Variants in ICE2 observed in about 807,000 individuals in gnomAD.
ICE2 encodes little elongation complex subunit 2.
ICE2 carries 87 observed loss-of-function variants against 105.4 expected under a neutral mutation model. The ratio of observed to expected loss-of-function variants is 0.83; its 90% CI spans 0.69 to 0.99. The LOEUF (loss-of-function observed/expected upper bound fraction) is 0.99. Among genes scored for constraint, ICE2 ranks in the 50% least tolerant of loss-of-function variants. ICE2 has a pLI of 0.00. For missense variants in ICE2, 1,323 were observed against 1,146.7 expected, an observed-to-expected ratio of 1.15 and a Z score of -2.22; for synonymous variants, 399 against 392.0, an observed-to-expected ratio of 1.02 and a Z score of -0.21.
intron 14 of ICE2, among the ~76,000 whole-genome samples, chr15:60,429,073 A>G (rs889092705): frequency 6.6e-6 from 1 of 152,180 alleles, no homozygotes; most frequent in African/African-American, 2.4e-5. Context: ...TTTGTACCTA[A>G]TAATAGATAG....
chr15:60,464,914 G>C (rs1413838607), intron 5 of ICE2, among the ~76,000 whole-genome samples: 5 of 152,118 alleles, frequency 3.3e-5, no homozygotes, highest in Non-Finnish European at 2.9e-5. Context: ...GAGCTGGGGA[G>C]GATCACTTGA....
chr15:60,424,485 C>T (rs2063297526), intron 15 of ICE2, among the ~76,000 whole-genome samples: 2 of 143,814 alleles, frequency 1.4e-5, no homozygotes, highest in South Asian at 4.5e-4. Flanking sequence ...CACTTTCTAG[C>T]TCACACAGTC....
At chr15:60,471,784 A>G (rs1013832920) in intron 3 of ICE2, among the ~76,000 whole-genome samples, 3 of 149,782 alleles carry the variant, frequency 2.0e-5, no homozygotes, top group Admixed American at 6.7e-5. Flanking sequence ...GTTTCTATGG[A>G]AAAACAAAAA....
intron 15 of ICE2, 75 bp downstream of exon 15, chr15:60,428,354 G>A (rs2063381600): frequency 6.2e-6 from 9 of 1,442,548 alleles, no homozygotes; most frequent in Non-Finnish European, 8.5e-6. Context: ...ACATCAGGGT[G>A]AAATACGGTA....
intron 13 of ICE2, 54 bp from the exon 14 acceptor site, chr15:60,432,038 G>A (rs892018441): frequency 1.1e-6 from 1 of 910,578 alleles, no homozygotes. Flanking sequence ...CTTACTTTTA[G>A]CAATTATAGC....
rs925503024 is a variant in ICE2, at chr15:60,461,395, T to A, written c.529-4601A>T. ...TTAAAAAATCAGCAAAATACTTCAA[T>A]AGACATTTCACAAAAGAAATGCACT... On this transcript the variant is annotated intron_variant, in intron 5 of 15. Transcript: ENST00000261520. Among the ~76,000 whole-genome samples, 8 of 152,286 alleles carry A rather than the reference T, an allele frequency of 5.3e-5. No homozygotes were observed. The East Asian group carries it at 1.5e-3, about 29-fold the overall frequency.
rs2063248810 is a variant in ICE2, at chr15:60,422,247, C to T, written c.*1387G>A. 1 of 151,778 alleles carries T rather than the reference C, an allele frequency of 6.6e-6. No individual in the cohort carries two copies. The highest frequency in any genetic ancestry group is 2.1e-4 in the South Asian group (1 of 4,784). The allele number at this position is 151,778 out of a possible 1,614,324, so 9.4% of individuals were successfully genotyped here. A position where few individuals can be genotyped will look rare whatever the true frequency, so the allele number is the denominator to read the frequency against. On this transcript the variant is annotated 3_prime_UTR_variant, in exon 16 of 16. Transcript: ENST00000261520. The stretch of plus-strand genomic sequence containing the variant: ...TCTTGGGCTCAAGCAATTCTTCTGC[C>T]TCAGCCTTTTGAGTAGCTGGGACTA...
intron 11 of ICE2, chr15:60,445,666 T>C (rs1046023567): frequency 1.0e-6 from 1 of 985,126 alleles, no homozygotes; most frequent in Non-Finnish European, 1.2e-6. Flanking sequence ...AATTTCACCT[T>C]AGTCAAGTGA....
At position 60,422,662 on chromosome 15, in the gene ICE2, C is replaced by T. The variant is rs1482794280; in HGVS notation, c.*972G>A. On this transcript the variant is annotated 3_prime_UTR_variant, in exon 16 of 16. Coordinates refer to ENST00000261520, the MANE Select transcript of ICE2 (RefSeq NM_024611.6). The stretch of plus-strand genomic sequence containing the variant: ...CCAGCCCGGCCAACATGGTAACACC[C>T]TGTCTCTACTAAAAATACAAAAAAA... 7.1e-6 allele frequency: 1 copy of T among 141,148 alleles called. No homozygotes were observed. The highest frequency in any genetic ancestry group is 1.6e-5 in the Non-Finnish European group (1 of 64,312). The allele number at this position is 141,148 out of a possible 1,614,324, so 8.7% of individuals were successfully genotyped here.
intron 1 of ICE2, among the ~76,000 whole-genome samples, chr15:60,478,290 T>G (rs1017714893): frequency 4.3e-4 from 66 of 152,288 alleles, no homozygotes; most frequent in African/African-American, 1.5e-3. Flanking sequence ...CTCAGGACAC[T>G]CACTATGGAA....
At chr15:60,429,193 G>C (rs1740447828) in intron 14 of ICE2, among the ~76,000 whole-genome samples, 1 of 152,286 alleles carries the variant, frequency 6.6e-6, no homozygotes, top group East Asian at 1.9e-4. Flanking sequence ...GGTGCTATGA[G>C]GATAACAGAA....
At chr15:60,472,349 A>G (rs567982950) in intron 3 of ICE2, among the ~76,000 whole-genome samples, 1 of 152,282 alleles carries the variant, frequency 6.6e-6, no homozygotes, top group Non-Finnish European at 1.5e-5. Flanking sequence ...AAACAGTTGT[A>G]AACAATAAAG....
chr15:60,429,108 GA>G (rs1459348226), intron 14 of ICE2, among the ~76,000 whole-genome samples: 1 of 152,142 alleles, frequency 6.6e-6, no homozygotes, highest in Non-Finnish European at 1.5e-5. Context: ...AAGTGAAGGT[GA>G]TATGTTTGCT....
At chr15:60,437,398 G>C (rs1233123590) in intron 12 of ICE2, among the ~76,000 whole-genome samples, 1 of 151,284 alleles carries the variant, frequency 6.6e-6, no homozygotes, top group East Asian at 2.0e-4. Context: ...GCAGTAGCAT[G>C]ATCTTGGCTC....
chr15:60,428,534 G>T lies in ICE2; in HGVS notation c.2715C>A (p.Pro905=). The T allele has an allele frequency of 6.2e-7, 1 of 1,614,140 alleles. No homozygotes were observed. Among genetic ancestry groups the T allele is most frequent in the Non-Finnish European group, 8.5e-7 (1 of 1,180,024 alleles). Residue 905 remains proline (P), a synonymous_variant, in exon 15 of 16, where the codon CCC becomes CCA. Coordinates refer to ENST00000261520, the MANE Select transcript of ICE2 (RefSeq NM_024611.6). ...LPGVPSSLSV[P]WVPLDPSLLL... is the part of the protein sequence containing the mutation. ...ACAGGCTGGGATCTAATGGGACCCA[G>T]GGAACTGAGAGACTGGAAGGTACAC...
At chr15:60,453,504 A>C in intron 9 of ICE2, 99 bp downstream of exon 9, 1 of 1,501,524 alleles carries the variant, frequency 6.7e-7, no homozygotes, top group Non-Finnish European at 8.9e-7. Flanking sequence ...TAAAGCCTGT[A>C]TTTTTAACTA....
rs768170044 is a variant in ICE2, at chr15:60,421,716, T to C, written c.*1918A>G. Reference sequence around the variant, plus strand: ...TTTCAAGGGAATCCCTGCCTCTCCCTTGGCTCGCTGGCAAATGATTCACAA... The same window carrying C: ...TTTCAAGGGAATCCCTGCCTCTCCCCTGGCTCGCTGGCAAATGATTCACAA... On this transcript the variant is annotated 3_prime_UTR_variant, in exon 16 of 16. Transcript: ENST00000261520. 3.3e-5 allele frequency: 5 copies of C among 152,072 alleles called. No homozygotes were observed. Among genetic ancestry groups the C allele is most frequent in the African/African-American group, 1.2e-4 (5 of 41,410 alleles). The allele number at this position is 152,072 out of a possible 1,614,324, so 9.4% of individuals were successfully genotyped here.
chr15:60,439,224 T>C (rs2063665101), intron 12 of ICE2: 1 of 152,136 alleles, frequency 6.6e-6, no homozygotes, highest in Admixed American at 6.5e-5. Flanking sequence ...CAATCATAAA[T>C]GTATAGGAAA....
chr15:60,449,357 G>T lies in ICE2; in HGVS notation c.1610C>A (p.Ala537Asp). 6.2e-7 allele frequency: 1 copy of T among 1,613,082 alleles called. No homozygotes were observed. The change falls in exon 10 of 16, where the codon GCT becomes GAT. Residue 537 changes from alanine to aspartate, a missense_variant. Coordinates refer to ENST00000261520, the MANE Select transcript of ICE2 (RefSeq NM_024611.6). ...KNDMTIDILH[A>D]DGERPNVLEN... ...TAGAACATTAGGTCTTTCACCATCA[G>T]CATGTAATATATCTATAGTCATATC...
Sources: gnomAD v4.1 joint callset for allele counts (sites outside exome capture counted in the v4.1 genomes callset) on GRCh38, gnomAD v4.1.1 for gene constraint, MANE v1.5 for transcripts, NCBI Gene and HGNC (gene_info 2026-07-23, HGNC 2026-07-21) for gene names.